Variants in CHST11 observed in about 807,000 individuals in gnomAD.
CHST11 encodes C4S-1.
A neutral mutation model predicts 30.4 loss-of-function variants in CHST11; 9 were observed. That is an observed-to-expected ratio of 0.30 (90% CI 0.18 to 0.52). CHST11 has a LOEUF of 0.52. Among genes scored for constraint, CHST11 ranks in the 20% least tolerant of loss-of-function variants. The pLI, the probability that CHST11 is intolerant of heterozygous loss-of-function variation, is 0.97. For missense variants in CHST11, 348 were observed against 460.6 expected, an observed-to-expected ratio of 0.76 and a Z score of 2.24; for synonymous variants, 152 against 187.8, an observed-to-expected ratio of 0.81 and a Z score of 1.56.
intron 2 of CHST11, among the ~76,000 whole-genome samples, chr12:104,646,289 T>C (rs1390741817): frequency 1.3e-5 from 2 of 152,156 alleles, no homozygotes; most frequent in South Asian, 2.1e-4. Context: ...CTGGCAGTGT[T>C]CCTCCTCTCA....
intron 1 of CHST11, among the ~76,000 whole-genome samples, chr12:104,511,957 C>T (rs2037969853): frequency 6.6e-6 from 1 of 152,082 alleles, no homozygotes; most frequent in Non-Finnish European, 1.5e-5. Context: ...ACACATCCTC[C>T]CATATACTTT....
At chr12:104,597,205 G>A (rs2038913941) in intron 1 of CHST11, among the ~76,000 whole-genome samples, 2 of 152,162 alleles carry the variant, frequency 1.3e-5, no homozygotes, top group South Asian at 4.1e-4. Flanking sequence ...CGAGCGGCTT[G>A]AGTTTAATTT....
intron 2 of CHST11, among the ~76,000 whole-genome samples, chr12:104,635,561 A>G (rs1008567353): frequency 2.0e-5 from 3 of 152,254 alleles, no homozygotes; most frequent in Non-Finnish European, 4.4e-5. Flanking sequence ...AACAAGACTA[A>G]AAATGACTGT....
At chr12:104,551,682 G>A (rs1182629364) in intron 1 of CHST11, among the ~76,000 whole-genome samples, 1 of 152,174 alleles carries the variant, frequency 6.6e-6, no homozygotes, top group East Asian at 1.9e-4. Flanking sequence ...GGCCTAACAA[G>A]TGTGAAGAGT....
chr12:104,502,927 T>G (rs1317654469), intron 1 of CHST11, among the ~76,000 whole-genome samples: 1 of 152,162 alleles, frequency 6.6e-6, no homozygotes, highest in Admixed American at 6.5e-5. Context: ...CTGGTTAAAG[T>G]GCAGATCTGG....
At chr12:104,463,896 C>G (rs2037433254) in intron 1 of CHST11, among the ~76,000 whole-genome samples, 1 of 152,026 alleles carries the variant, frequency 6.6e-6, no homozygotes, top group Non-Finnish European at 1.5e-5. Context: ...AGCCAACAAC[C>G]ACAGTGGGGA....
At chr12:104,562,489 C>T (rs747644001) in intron 1 of CHST11, among the ~76,000 whole-genome samples, 28 of 152,148 alleles carry the variant, frequency 1.8e-4, no homozygotes, top group Non-Finnish European at 3.2e-4. Context: ...CAGAACCTTC[C>T]CTGGCCCAGA....
intron 1 of CHST11, among the ~76,000 whole-genome samples, chr12:104,517,035 C>T (rs1592741582): frequency 6.6e-6 from 1 of 152,140 alleles, no homozygotes; most frequent in African/African-American, 2.4e-5. Flanking sequence ...TCTCTTTCCC[C>T]CCTTCCAAAT....
At chr12:104,696,878 C>T (rs2039951981) in intron 2 of CHST11, among the ~76,000 whole-genome samples, 1 of 152,290 alleles carries the variant, frequency 6.6e-6, no homozygotes, top group South Asian at 2.1e-4. Context: ...TGCTATCATA[C>T]TGAATATATT....
rs182464754 is a variant in CHST11 at position 104,529,430 on chromosome 12, G to A, written c.118+71901G>A. ...GTGTGGATTAAATAAGATCATGCAT[G>A]TAAAGTATGTAGCCCAGTACTTGTT... On this transcript the variant is annotated intron_variant, in intron 1 of 2. Coordinates refer to ENST00000303694, the MANE Select transcript of CHST11 (RefSeq NM_018413.6). Among the ~76,000 whole-genome samples, 3 of 152,328 alleles carry A rather than the reference G, an allele frequency of 2.0e-5. No individual in the cohort carries two copies. The East Asian group carries it at 5.8e-4, about 29-fold the overall frequency.
intron 2 of CHST11, among the ~76,000 whole-genome samples, chr12:104,707,537 C>T (rs938158073): frequency 1.3e-5 from 2 of 152,216 alleles, no homozygotes; most frequent in African/African-American, 4.8e-5. Flanking sequence ...TAAGTTTTCT[C>T]AGCCTAGATG....
chr12:104,684,829 A>T (rs1005199955), intron 2 of CHST11, among the ~76,000 whole-genome samples: 2 of 152,188 alleles, frequency 1.3e-5, no homozygotes, highest in Admixed American at 1.3e-4. Context: ...GATTACAGGC[A>T]TGAGCCACCA....
chr12:104,711,718 T>TA (rs938722911), intron 2 of CHST11, among the ~76,000 whole-genome samples: 188 of 150,750 alleles, frequency 1.2e-3, no homozygotes, highest in African/African-American at 4.1e-3. Context: ...CTTTAAAAAT[T>TA]AAAAAAAAAT....
intron 2 of CHST11, among the ~76,000 whole-genome samples, chr12:104,639,808 A>C (rs895185152): frequency 6.6e-6 from 1 of 152,188 alleles, no homozygotes; most frequent in East Asian, 1.9e-4. Flanking sequence ...GGTCTCAACC[A>C]GCTTGTGTTT....
chr12:104,576,138 T>C (rs1405233171), intron 1 of CHST11, among the ~76,000 whole-genome samples: 3 of 152,090 alleles, frequency 2.0e-5, no homozygotes, highest in Admixed American at 1.3e-4. Context: ...CGTTAAGTAT[T>C]CACTGTGCTT....
In CHST11 at chr12:104,458,751, A is replaced by G. The variant is rs532079883; in HGVS notation, c.118+1222A>G. ...GCAATAATTTGCTTTTCTAATTGCA[A>G]GGAGGAGGGAGGTGGAAACGCATTT... On this transcript the variant is annotated intron_variant, in intron 1 of 2. Coordinates refer to ENST00000303694, the MANE Select transcript of CHST11 (RefSeq NM_018413.6). The surrounding 1 kb of genome is among the most constrained non-coding windows in gnomAD (Gnocchi z 5.7). Among the ~76,000 whole-genome samples, 1 of 152,324 alleles carries G rather than the reference A, an allele frequency of 6.6e-6. No homozygotes were observed. The highest frequency in any genetic ancestry group is 1.9e-4 in the East Asian group (1 of 5,176).
intron 2 of CHST11, among the ~76,000 whole-genome samples, chr12:104,705,403 A>G (rs1018733920): frequency 1.3e-5 from 2 of 152,172 alleles, no homozygotes; most frequent in African/African-American, 2.4e-5. Context: ...GCAGGTATGT[A>G]AAGGGCTCAG....
At chr12:104,595,660 C>G (rs1390137133) in intron 1 of CHST11, among the ~76,000 whole-genome samples, 1 of 152,228 alleles carries the variant, frequency 6.6e-6, no homozygotes, top group Non-Finnish European at 1.5e-5. Flanking sequence ...GGATCCAGCT[C>G]TGTGGCTTTC....
intron 2 of CHST11, among the ~76,000 whole-genome samples, chr12:104,724,879 G>T (rs1414077397): frequency 6.6e-6 from 1 of 152,062 alleles, no homozygotes; most frequent in East Asian, 1.9e-4. Flanking sequence ...TGTGATATAG[G>T]GACATACTCA....
Sources: gnomAD v4.1 joint callset for allele counts (sites outside exome capture counted in the v4.1 genomes callset) on GRCh38, gnomAD v4.1.1 for gene constraint, Gnocchi (gnomAD v3.1) non-coding constraint, MANE v1.5 for transcripts, NCBI Gene and HGNC (gene_info 2026-07-23, HGNC 2026-07-21) for gene names.